IL10RA: variants seen among roughly 807,000 people sequenced by gnomAD.
IL10RA encodes interleukin 10 receptor subunit alpha.
Under a neutral mutation model 29.6 loss-of-function variants are expected in IL10RA, and 18 were observed. The ratio of observed to expected loss-of-function variants is 0.61; its 90% CI spans 0.42 to 0.90. IL10RA has a LOEUF of 0.90. IL10RA is among the 40% of genes least tolerant of loss of function. The pLI, the probability that IL10RA is intolerant of heterozygous loss-of-function variation, is 0.00. For synonymous variants in IL10RA, 292 were observed against 294.1 expected (o/e 0.99, Z 0.07); for missense variants, 634 against 716.6 (o/e 0.88, Z 1.32).
Position 118,000,161 on chromosome 11 carries a change from G to A in IL10RA, c.*520G>A, listed in dbSNP as rs1356086583. The A allele has an allele frequency of 2.2e-6, 1 of 454,032 alleles. No homozygotes were observed. The highest frequency in any genetic ancestry group is 6.9e-5 in the East Asian group (1 of 14,478). 28.1% of individuals were successfully genotyped at this position (454,032 alleles called of 1,614,324 possible). A position where few individuals can be genotyped will look rare whatever the true frequency, so the allele number is the denominator to read the frequency against. ...AAGGAGGATATGATGGTCACATGGG[G>A]AACCTCCCCTCATCGGGCCTCTGGG... On this transcript the variant is annotated 3_prime_UTR_variant, in exon 7 of 7. Coordinates refer to ENST00000227752, the MANE Select transcript of IL10RA (RefSeq NM_001558.4).
intron 3 of IL10RA, chr11:117,993,039 G>T: frequency 1.7e-6 from 1 of 586,398 alleles, no homozygotes; most frequent in Admixed American, 2.9e-5. Flanking sequence ...ATTGGTTGAT[G>T]CATCTGATTT....
Position 117,989,430 on chromosome 11 carries a change from G to T in IL10RA, c.189-12G>T. On this transcript the variant is annotated splice_polypyrimidine_tract_variant and intron_variant, in intron 2 of 6. Transcript: ENST00000227752. The surrounding 1 kb of genome is among the most constrained non-coding windows in gnomAD (Gnocchi z 4.5). ...AAGCTCGTTTCCAGTGCCTAACCTG[G>T]TATCTCCTCAGGTATGGAATAGAGT... 1.9e-6 allele frequency: 3 copies of T among 1,611,344 alleles called. No individual in the cohort carries two copies. The highest frequency in any genetic ancestry group is 2.5e-6 in the Non-Finnish European group (3 of 1,177,424).
rs1300978181 is a variant in IL10RA, at chr11:117,999,837, G to T, written c.*196G>T. 1 of 698,218 alleles carries T rather than the reference G, an allele frequency of 1.4e-6. No homozygotes were observed. Among genetic ancestry groups the T allele is most frequent in the South Asian group, 1.5e-5 (1 of 66,686 alleles). The allele number at this position is 698,218 out of a possible 1,614,324, so 43.3% of individuals were successfully genotyped here. A position where few individuals can be genotyped will look rare whatever the true frequency, so the allele number is the denominator to read the frequency against. On this transcript the variant is annotated 3_prime_UTR_variant, in exon 7 of 7. Coordinates refer to ENST00000227752, the MANE Select transcript of IL10RA (RefSeq NM_001558.4). ...AGGAGGAGGCCAACTCACTGAACTAGTGCAGGGTATGTGGGTGGCACTGAC... is the reference window on the plus strand; with the variant it reads ...AGGAGGAGGCCAACTCACTGAACTATTGCAGGGTATGTGGGTGGCACTGAC...
At chr11:117,987,001 C>T (rs2057990889) in intron 1 of IL10RA, 1 of 462,484 alleles carries the variant, frequency 2.2e-6, no homozygotes, top group African/African-American at 2.0e-5. Flanking sequence ...CCTTGCTCCA[C>T]CTGTAGCCCC....
rs529337327 is a variant in IL10RA, at chr11:117,990,133, G to A, written c.367+513G>A. ...GTGGGATTTTTCATCCCACCAGTTGGGATTGAGAAAGTTTTGTGTGCATGG... is the reference window on the plus strand; with the variant it reads ...GTGGGATTTTTCATCCCACCAGTTGAGATTGAGAAAGTTTTGTGTGCATGG... On this transcript the variant is annotated intron_variant, in intron 3 of 6. Coordinates refer to ENST00000227752, the MANE Select transcript of IL10RA (RefSeq NM_001558.4). 2.0e-5 allele frequency among the ~76,000 whole-genome samples: 3 copies of A among 152,310 alleles called. No individual in the cohort carries two copies. The South Asian group carries it at 6.2e-4, about 32-fold the overall frequency.
chr11:118,002,046 A>T (rs1385633407), downstream of IL10RA: 2 of 154,058 alleles, frequency 1.3e-5, no homozygotes, highest in African/African-American at 4.8e-5. Flanking sequence ...CTGTTCCCAG[A>T]GCCCTGTCCC....
chr11:117,993,967 G>C (rs2058040547), intron 4 of IL10RA, 32 bp from the exon 5 acceptor site: 3 of 1,604,930 alleles, frequency 1.9e-6, no homozygotes, highest in Admixed American at 1.7e-5. Context: ...GAAATAAAAG[G>C]ATTTTGTTAA....
rs2058007643 is a variant in IL10RA, at chr11:117,989,379, C to T, written c.189-63C>T. 7.5e-6 allele frequency: 11 copies of T among 1,467,346 alleles called. No homozygotes were observed. Among genetic ancestry groups the T allele is most frequent in the South Asian group, 3.4e-5 (3 of 87,836 alleles). 90.9% of individuals were successfully genotyped at this position (1,467,346 alleles called of 1,614,324 possible). A position where few individuals can be genotyped will look rare whatever the true frequency, so the allele number is the denominator to read the frequency against. ...GCTCTCTTCCTGGCCTCTTGCGTCTCCCTTAAAGGAGGTAGGATTGAGCAC... is the reference window on the plus strand; with the variant it reads ...GCTCTCTTCCTGGCCTCTTGCGTCTTCCTTAAAGGAGGTAGGATTGAGCAC... On this transcript the variant is annotated intron_variant, in intron 2 of 6. Transcript: ENST00000227752. This position sits in a 1 kb window ranked among gnomAD's most constrained non-coding sequence, Gnocchi z 4.5.
Position 117,992,750 on chromosome 11 carries a change from A to G in IL10RA, c.368-491A>G, listed in dbSNP as rs559133181. 2.2e-4 allele frequency among the ~76,000 whole-genome samples: 34 copies of G among 152,308 alleles called. No homozygotes were observed. The South Asian group carries it at 6.4e-3, about 29-fold the overall frequency. On this transcript the variant is annotated intron_variant, in intron 3 of 6. Transcript: ENST00000227752. The stretch of plus-strand genomic sequence containing the variant: ...TTGTTGCCTGTGCTTTAGGGATCGT[A>G]TCCAAGAAATCTTTGCCCAGACCAA...
At chr11:117,995,742 C>A in intron 6 of IL10RA, 32 bp downstream of exon 6, 1 of 1,607,636 alleles carries the variant, frequency 6.2e-7, no homozygotes, top group Non-Finnish European at 8.5e-7. Flanking sequence ...CTGCCCCGTC[C>A]TTCCCAGCCA....
At chr11:117,997,283 A>G (rs1338062402) in intron 6 of IL10RA, among the ~76,000 whole-genome samples, 1 of 152,234 alleles carries the variant, frequency 6.6e-6, no homozygotes, top group African/African-American at 2.4e-5. Flanking sequence ...ATATTTATTG[A>G]GCACCTTCTA....
At chr11:117,994,175 A>G (rs1410340317) in intron 5 of IL10RA, 26 bp downstream of exon 5, 2 of 1,610,332 alleles carry the variant, frequency 1.2e-6, no homozygotes, top group East Asian at 2.2e-5. Flanking sequence ...TGCTCTCAGC[A>G]TGGGGAGGGA....
chr11:117,995,424 G>T, intron 5 of IL10RA, 165 bp from the exon 6 acceptor site: 1 of 823,398 alleles, frequency 1.2e-6, no homozygotes, highest in Non-Finnish European at 2.0e-6. Flanking sequence ...GTAGGGATTC[G>T]CAGAAACCTA....
chr11:117,995,601 C>A lies in IL10RA; in HGVS notation c.701C>A (p.Thr234Asn). 1 of 1,614,198 alleles carries A rather than the reference C, an allele frequency of 6.2e-7. No individual in the cohort carries two copies. The highest frequency in any genetic ancestry group is 8.5e-7 in the Non-Finnish European group (1 of 1,180,030). ...ISLTRQYFTV[T>N]NVIIFFAFVL... ...TCTGGGCCTGCAGATTTCACCGTGA[C>A]CAACGTCATCATCTTCTTTGCCTTT... The change falls in exon 6 of 7, where the codon ACC (threonine) becomes AAC (asparagine). Residue 234 changes from threonine to asparagine, a missense_variant. Coordinates refer to ENST00000227752, the MANE Select transcript of IL10RA (RefSeq NM_001558.4).
chr11:117,998,837 G>C lies in IL10RA; in HGVS notation c.933G>C (p.Leu311Phe). ...AGGTGTCCCCAGAGCTGAAGAACTTGGACCTGCACGGCAGCACAGACAGTG... is the reference window on the plus strand; with the variant it reads ...AGGTGTCCCCAGAGCTGAAGAACTTCGACCTGCACGGCAGCACAGACAGTG... ...FLKVSPELKN[L>F]DLHGSTDSGF... is the part of the protein sequence containing the mutation. Residue 311 changes from leucine (L) to phenylalanine (F), a missense_variant, in exon 7 of 7, where the codon TTG becomes TTC. Coordinates refer to ENST00000227752, the MANE Select transcript of IL10RA (RefSeq NM_001558.4). 4.3e-6 allele frequency: 7 copies of C among 1,614,192 alleles called. No homozygotes were observed. Among genetic ancestry groups the C allele is most frequent in the Non-Finnish European group, 5.9e-6 (7 of 1,180,020 alleles).
intron 6 of IL10RA, among the ~76,000 whole-genome samples, chr11:117,997,681 C>A (rs1050246340): frequency 4.6e-5 from 7 of 152,154 alleles, no homozygotes; most frequent in African/African-American, 1.7e-4. Flanking sequence ...ACAGTTCCTG[C>A]CCTCAAGGAG....
At chr11:117,987,911 C>T (rs749744434) in intron 1 of IL10RA, 4 of 232,844 alleles carry the variant, frequency 1.7e-5, no homozygotes, top group Non-Finnish European at 2.6e-5. Flanking sequence ...GAGAAGGAGG[C>T]AGATGTCAGC....
Position 117,999,688 on chromosome 11 carries a change from G to T in IL10RA, c.*47G>T. 2 of 1,528,996 alleles carry T rather than the reference G, an allele frequency of 1.3e-6. No individual in the cohort carries two copies. Among genetic ancestry groups the T allele is most frequent in the Non-Finnish European group, 1.8e-6 (2 of 1,105,780 alleles). 94.7% of individuals were successfully genotyped at this position (1,528,996 alleles called of 1,614,324 possible). On this transcript the variant is annotated 3_prime_UTR_variant, in exon 7 of 7. Transcript: ENST00000227752. ...TGATTTTAGCCATGCCTGCTCCTCT[G>T]CCTGGACCAGGAGGAGGGCCCCTGG...
chr11:117,988,208 A>C lies in IL10RA; in HGVS notation c.68-174A>C, dbSNP rs1326550151. On this transcript the variant is annotated intron_variant, in intron 1 of 6. Coordinates refer to ENST00000227752, the MANE Select transcript of IL10RA (RefSeq NM_001558.4). ...ACAGGGCAGTGATTTAGGGAGACAC[A>C]CTAGCTCTAGAATCAGACACATGTG... is the stretch of plus-strand genomic sequence containing the variant. The C allele has an allele frequency of 5.3e-6, 4 of 755,014 alleles. No individual in the cohort carries two copies. In the Admixed American group the frequency reaches 8.2e-5, roughly 15 times the overall value. 46.8% of individuals were successfully genotyped at this position (755,014 alleles called of 1,614,324 possible).
Sources: allele counts gnomAD v4.1 joint callset (sites outside exome capture counted in the v4.1 genomes callset), GRCh38; gene constraint gnomAD v4.1.1; non-coding constraint Gnocchi (gnomAD v3.1); transcripts MANE v1.5; gene names NCBI Gene and HGNC (gene_info 2026-07-23, HGNC 2026-07-21).